The following MAPT variants were observed in gnomAD, a reference collection of about 807,000 sequenced individuals.
MAPT encodes the protein microtubule associated protein tau, also known as microtubule-associated protein tau.
In MAPT, 34 loss-of-function variants were observed where a neutral mutation model predicts 67.9. That is an observed-to-expected ratio of 0.50 (90% CI 0.38 to 0.67). MAPT has a LOEUF of 0.67. MAPT is among the 30% of genes least tolerant of loss of function. The pLI is 0.00. For synonymous variants in MAPT, 456 were observed against 464.5 expected (o/e 0.98, Z 0.23); for missense variants, 881 against 1,115.2 (o/e 0.79, Z 2.99).
At chr17:45,925,491 C>T (rs375292763) in intron 1 of MAPT, among the ~76,000 whole-genome samples, 13 of 152,310 alleles carry the variant, frequency 8.5e-5, no homozygotes, top group African/African-American at 3.1e-4. Flanking sequence ...ACTCTTTGAC[C>T]CAGAATTTCA....
rs2076775908 is a variant in MAPT at position 46,025,658 on chromosome 17, A to G, written c.*1487A>G. 6.6e-6 allele frequency: 1 copy of G among 152,428 alleles called. No individual in the cohort carries two copies. 9.4% of individuals were successfully genotyped at this position (152,428 alleles called of 1,614,324 possible). The stretch of plus-strand genomic sequence containing the variant: ...GACCCTAGGTGTTTCTGCCTTGTTG[A>G]CATGGAGAGAGCCCTTTCCCCTGAG... On this transcript the variant is annotated 3_prime_UTR_variant, in exon 13 of 13. Coordinates refer to ENST00000262410, the MANE Select transcript of MAPT (RefSeq NM_001377265.1).
intron 1 of MAPT, among the ~76,000 whole-genome samples, chr17:45,904,165 T>C (rs1394466554): frequency 3.2e-5 from 1 of 31,384 alleles, no homozygotes; most frequent in Non-Finnish European, 6.1e-5. Context: ...ATATATTATA[T>C]ATATTTATAT....
At chr17:45,908,716 G>A (rs973374767) in intron 1 of MAPT, among the ~76,000 whole-genome samples, 1 of 152,124 alleles carries the variant, frequency 6.6e-6, no homozygotes, top group South Asian at 2.1e-4. Context: ...CTTTCATGGC[G>A]TTGAAATACA....
rs575987173 is a variant in MAPT at position 45,996,080 on chromosome 17, A to G, written c.1733-319A>G. On this transcript the variant is annotated intron_variant, in intron 8 of 12. Transcript: ENST00000262410. The surrounding 1 kb of genome is among the most constrained non-coding windows in gnomAD (Gnocchi z 4.5). The stretch of plus-strand genomic sequence containing the variant: ...GGAAGTTACTTGTCTGAGGCCACAC[A>G]GCTTGTTGGAGCCCATCTCTTGACC... Among the ~76,000 whole-genome samples the G allele has an allele frequency of 1.3e-5, 2 of 152,312 alleles. No individual in the cohort carries two copies. Among genetic ancestry groups the G allele is most frequent in the East Asian group, 1.9e-4 (1 of 5,174 alleles).
intron 11 of MAPT, among the ~76,000 whole-genome samples, chr17:46,017,375 G>C (rs1261967585): frequency 6.7e-6 from 1 of 149,626 alleles, no homozygotes; most frequent in East Asian, 2.0e-4. Context: ...CTGGGTTCAA[G>C]TGATTCTCCT....
chr17:45,939,411 T>C (rs1200785916), intron 1 of MAPT, among the ~76,000 whole-genome samples: 2 of 152,240 alleles, frequency 1.3e-5, no homozygotes, highest in Non-Finnish European at 2.9e-5. Flanking sequence ...AATCAGCTCC[T>C]TTAGCAGCAG....
chr17:46,006,905 A>G (rs994006130), intron 9 of MAPT, among the ~76,000 whole-genome samples: 2 of 151,880 alleles, frequency 1.3e-5, no homozygotes, highest in Non-Finnish European at 1.5e-5. Context: ...CCTGGGCGAC[A>G]AGGCAAGATT....
At chr17:46,016,500 G>A (rs1384326593) in intron 11 of MAPT, among the ~76,000 whole-genome samples, 2 of 152,138 alleles carry the variant, frequency 1.3e-5, no homozygotes, top group South Asian at 2.1e-4. Context: ...GGCCAGGCGC[G>A]GTGGCTCATG....
intron 1 of MAPT, chr17:45,898,177 T>C (rs1400561371): frequency 6.6e-6 from 1 of 152,306 alleles, no homozygotes; most frequent in African/African-American, 2.4e-5. Context: ...GATGTTTATA[T>C]AGCAATAACC....
chr17:45,946,462 C>CGTG (rs34232924), intron 1 of MAPT, among the ~76,000 whole-genome samples: 21,317 of 150,708 alleles, frequency 0.14, 2,048 homozygotes, highest in Non-Finnish European at 0.21. Flanking sequence ...ATTAGCCAGG[C>CGTG]GTGGTGGGTG....
chr17:45,972,173 T>G (rs2145472828), intron 3 of MAPT: 2 of 683,784 alleles, frequency 2.9e-6, no homozygotes, highest in Non-Finnish European at 5.3e-6. Flanking sequence ...CAGCCACCCT[T>G]GGACAGTCCC....
At chr17:45,962,190 C>A in intron 1 of MAPT, 131 bp from the exon 2 acceptor site, 1 of 732,594 alleles carries the variant, frequency 1.4e-6, no homozygotes, top group Non-Finnish European at 2.3e-6. Flanking sequence ...GGGCGGCCAA[C>A]TGTTAGAGAG....
chr17:45,911,436 C>A (rs1355737998), intron 1 of MAPT, among the ~76,000 whole-genome samples: 1 of 149,236 alleles, frequency 6.7e-6, no homozygotes, highest in Non-Finnish European at 1.5e-5. Flanking sequence ...TTGAAACTAG[C>A]CTGGGCGATA....
In MAPT at chr17:46,026,345, T is replaced by A. The variant is rs1268439340; in HGVS notation, c.*2174T>A. 6.6e-6 allele frequency: 1 copy of A among 152,596 alleles called. No individual in the cohort carries two copies. Among genetic ancestry groups the A allele is most frequent in the African/African-American group, 2.4e-5 (1 of 41,412 alleles). 9.5% of individuals were successfully genotyped at this position (152,596 alleles called of 1,614,324 possible). A position where few individuals can be genotyped will look rare whatever the true frequency, so the allele number is the denominator to read the frequency against. On this transcript the variant is annotated 3_prime_UTR_variant, in exon 13 of 13. Transcript: ENST00000262410. ...CAGGATTAGGACTGAAGCGATGATG[T>A]CCCCTTCCCTACTTCCCCTTGGGGC...
chr17:45,946,377 G>A (rs1030993039), intron 1 of MAPT, among the ~76,000 whole-genome samples: 4 of 152,012 alleles, frequency 2.6e-5, no homozygotes, highest in Admixed American at 2.6e-4. Flanking sequence ...TGAGGTGAGT[G>A]GATCACTTGA....
At chr17:45,914,688 A>G (rs933132063) in intron 1 of MAPT, among the ~76,000 whole-genome samples, 1 of 151,096 alleles carries the variant, frequency 6.6e-6, no homozygotes, top group Non-Finnish European at 1.5e-5. Flanking sequence ...TCTACTATTA[A>G]TTTTGTATTA....
At chr17:45,925,461 A>G (rs2144542589) in intron 1 of MAPT, among the ~76,000 whole-genome samples, 2 of 152,356 alleles carry the variant, frequency 1.3e-5, no homozygotes, top group Non-Finnish European at 2.9e-5. Context: ...GTATGCATAA[A>G]CAGCCTTTAA....
rs1291421157 is a variant in MAPT, at chr17:46,026,268, C to A, written c.*2097C>A. On this transcript the variant is annotated 3_prime_UTR_variant, in exon 13 of 13. Coordinates refer to ENST00000262410, the MANE Select transcript of MAPT (RefSeq NM_001377265.1). ...CTCAGCACCTGGGACCCAACAGAGA[C>A]CAGCTTCTAGCAGCTAAGGAGGCCG... 1.3e-5 allele frequency: 2 copies of A among 152,642 alleles called. No individual in the cohort carries two copies. The highest frequency in any genetic ancestry group is 2.9e-5 in the Non-Finnish European group (2 of 68,142). 9.5% of individuals were successfully genotyped at this position (152,642 alleles called of 1,614,324 possible). A position where few individuals can be genotyped will look rare whatever the true frequency, so the allele number is the denominator to read the frequency against.
At chr17:45,991,318 C>A in intron 7 of MAPT, 142 bp from the exon 8 acceptor site, 1 of 989,092 alleles carries the variant, frequency 1.0e-6, no homozygotes, top group Non-Finnish European at 1.6e-6. Context: ...GTAGCAGACA[C>A]TAGTGGCATC....
Sources: gnomAD v4.1 joint callset for allele counts (sites outside exome capture counted in the v4.1 genomes callset) on GRCh38, gnomAD v4.1.1 for gene constraint, Gnocchi (gnomAD v3.1) non-coding constraint, MANE v1.5 for transcripts, NCBI Gene and HGNC (gene_info 2026-07-23, HGNC 2026-07-21) for gene names.